BICRA: variants seen among roughly 807,000 people sequenced by gnomAD.
BICRA encodes the protein BRD4-interacting chromatin-remodeling complex-associated protein.
A neutral mutation model predicts 96.9 loss-of-function variants in BICRA; 31 were observed. That is an observed-to-expected ratio of 0.32 (90% CI 0.24 to 0.43). The LOEUF (loss-of-function observed/expected upper bound fraction) is 0.43. Among genes scored for constraint, BICRA ranks in the 20% least tolerant of loss-of-function variants. BICRA has a pLI of 1.00. For synonymous variants in BICRA, 1,350 were observed against 1,071.8 expected (o/e 1.26, Z -5.07); for missense variants, 2,283 against 2,190.3 (o/e 1.04, Z -0.84).
intron 1 of BICRA, among the ~76,000 whole-genome samples, chr19:47,666,362 C>T (rs893861174): frequency 6.6e-6 from 1 of 151,990 alleles, no homozygotes; most frequent in East Asian, 1.9e-4. Flanking sequence ...TCACTGCAGC[C>T]TCTGCCTCCT....
Position 47,675,506 on chromosome 19 carries a change from A to T in BICRA, c.85-345A>T, listed in dbSNP as rs572436058. Among the ~76,000 whole-genome samples, 44 of 152,148 alleles carry T rather than the reference A, an allele frequency of 2.9e-4. 1 individual carries two copies. The highest frequency in any genetic ancestry group is 7.9e-4 in the Admixed American group (12 of 15,282). On this transcript the variant is annotated intron_variant, in intron 4 of 14. Transcript: ENST00000594866. This position sits in a 1 kb window ranked among gnomAD's most constrained non-coding sequence, Gnocchi z 4.7. ...GACAGGAGCTGTTGGACCACGAGTG[A>T]CCACTCCTGAAGGCTGTGCTACTGG...
chr19:47,639,220 C>A (rs1187643632), intron 1 of BICRA, among the ~76,000 whole-genome samples: 1 of 151,272 alleles, frequency 6.6e-6, no homozygotes, highest in African/African-American at 2.4e-5. Flanking sequence ...GTTGCCCAGG[C>A]TGGCCTTGAA....
chr19:47,681,956 GT>G lies in BICRA; in HGVS notation c.2107-19del. The G allele has an allele frequency of 6.5e-7, 1 of 1,531,594 alleles. No individual in the cohort carries two copies. The highest frequency in any genetic ancestry group is 1.9e-5 in the Admixed American group (1 of 51,472). 94.9% of individuals were successfully genotyped at this position (1,531,594 alleles called of 1,614,324 possible). On this transcript the variant is annotated intron_variant, in intron 6 of 14. Transcript: ENST00000594866. ...CCTGTGGGGGCGGCTTTCTGATCCTGTGCGGGCTGCCCGTTGCAGGAGAGGA... is the reference window on the plus strand; with the variant it reads ...CCTGTGGGGGCGGCTTTCTGATCCTGGCGGGCTGCCCGTTGCAGGAGAGGA...
At position 47,680,454 on chromosome 19, in the gene BICRA, G is replaced by C; in HGVS notation, c.1284G>C (p.Pro428=). The change falls in exon 6 of 15, where the codon CCG becomes CCC. Residue 428 remains proline (P), a synonymous_variant. Coordinates refer to ENST00000594866, the MANE Select transcript of BICRA (RefSeq NM_001394372.1). ...AAGCGAACGTCTTCAAGCAGCCACC[G>C]GCCACCACCACCGGAGCGGCCCCGC... ...ALQANVFKQP[P]ATTTGAAPPQ... is the part of the protein sequence containing the mutation. 2 of 1,539,698 alleles carry C rather than the reference G, an allele frequency of 1.3e-6. No homozygotes were observed. The highest frequency in any genetic ancestry group is 1.2e-5 in the South Asian group (1 of 83,984).
intron 1 of BICRA, among the ~76,000 whole-genome samples, chr19:47,628,857 C>T (rs1283025458): frequency 6.6e-6 from 1 of 152,016 alleles, no homozygotes; most frequent in Non-Finnish European, 1.5e-5. Context: ...ATCCTCCTGC[C>T]TCGGCCTCCC....
chr19:47,668,761 G>A (rs1206842043), intron 1 of BICRA, among the ~76,000 whole-genome samples: 1 of 152,056 alleles, frequency 6.6e-6, no homozygotes, highest in Non-Finnish European at 1.5e-5. Context: ...CAAAGTGCCA[G>A]GATACAGGCA....
chr19:47,699,035 G>T lies in BICRA; in HGVS notation c.3468G>T (p.Arg1156=). The T allele has an allele frequency of 1.3e-6, 2 of 1,576,294 alleles. No homozygotes were observed. Among genetic ancestry groups the T allele is most frequent in the African/African-American group, 1.4e-5 (1 of 73,930 alleles). The part of the protein sequence containing the change: ...KRTQAMLNKY[R]LLLLEESRRV... ...CCCAGGCCATGCTCAATAAATATCG[G>T]CTCCTGCTCCTGGAGGAGTCCCGGG... Residue 1156 remains arginine (R), a synonymous_variant, in exon 13 of 15, where the codon CGG becomes CGT. Transcript: ENST00000594866. The surrounding 1 kb of genome is among the most constrained non-coding windows in gnomAD (Gnocchi z 5.0).
At chr19:47,667,793 C>A (rs1179818184) in intron 1 of BICRA, among the ~76,000 whole-genome samples, 1 of 152,228 alleles carries the variant, frequency 6.6e-6, no homozygotes, top group Non-Finnish European at 1.5e-5. Flanking sequence ...CAGAGACGCA[C>A]ACCCCCATCA....
Position 47,673,854 on chromosome 19 carries a change from T to C in BICRA, c.84+92T>C, listed in dbSNP as rs866590723. The C allele has an allele frequency of 1.4e-4, 155 of 1,110,522 alleles. 1 individual carries two copies. Among genetic ancestry groups the C allele is most frequent in the Non-Finnish European group, 4.0e-5 (29 of 722,972 alleles). The allele number at this position is 1,110,522 out of a possible 1,614,324, so 68.8% of individuals were successfully genotyped here. On this transcript the variant is annotated intron_variant, in intron 4 of 14. Coordinates refer to ENST00000594866, the MANE Select transcript of BICRA (RefSeq NM_001394372.1). ...GGAGAGACATGTCCCTTTGATGAGG[T>C]AGCCATCTGCCTTGTGGCTTCTAAC...
Position 47,701,434 on chromosome 19 carries a change from C to T in BICRA, c.3702C>T (p.Ala1234=), listed in dbSNP as rs1450210891. 1.3e-6 allele frequency: 2 copies of T among 1,577,646 alleles called. No individual in the cohort carries two copies. Among genetic ancestry groups the T allele is most frequent in the African/African-American group, 1.3e-5 (1 of 74,088 alleles). Residue 1234 remains alanine, a synonymous_variant, in exon 15 of 15, where the codon GCC becomes GCT. Coordinates refer to ENST00000594866, the MANE Select transcript of BICRA (RefSeq NM_001394372.1). This position sits in a 1 kb window ranked among gnomAD's most constrained non-coding sequence, Gnocchi z 5.4. ...CCCTGTCGTCTTCAGCTCCCGGGGC[C>T]TCCACCCAGCCCCCTCCACACCTGC... ...HGPLSSSAPG[A]STQPPPHLPT...
Position 47,681,062 on chromosome 19 carries a change from T to C in BICRA, c.1892T>C (p.Val631Ala). 2.9e-6 allele frequency: 4 copies of C among 1,371,220 alleles called. No homozygotes were observed. Among genetic ancestry groups the C allele is most frequent in the Non-Finnish European group, 2.8e-6 (3 of 1,064,116 alleles). 84.9% of individuals were successfully genotyped at this position (1,371,220 alleles called of 1,614,324 possible). ...CCTGCCCCCCAGGCGCCCCCCGCGG[T>C]CAGCACACCCCTGCCCCTGGGCCTC... ...VQPAPQAPPA[V>A]STPLPLGLQQ... is the part of the protein sequence containing the mutation. Residue 631 changes from valine (V) to alanine (A), a missense_variant, in exon 6 of 15, where the codon GTC (valine) becomes GCC (alanine). Coordinates refer to ENST00000594866, the MANE Select transcript of BICRA (RefSeq NM_001394372.1).
chr19:47,643,999 C>G (rs933227711), intron 1 of BICRA, among the ~76,000 whole-genome samples: 2 of 152,078 alleles, frequency 1.3e-5, no homozygotes, highest in African/African-American at 2.4e-5. Flanking sequence ...AGACCTTTAC[C>G]TACATTCACC....
chr19:47,700,267 G>A (rs988761327), intron 14 of BICRA: 1 of 152,138 alleles, frequency 6.6e-6, no homozygotes, highest in African/African-American at 2.4e-5. Flanking sequence ...ACACCCTCGG[G>A]GCCTGATATG....
chr19:47,681,240 C>T lies in BICRA; in HGVS notation c.2070C>T (p.Ile690=), dbSNP rs1427300931. Residue 690 remains isoleucine, a synonymous_variant, in exon 6 of 15, where the codon ATC becomes ATT. Coordinates refer to ENST00000594866, the MANE Select transcript of BICRA (RefSeq NM_001394372.1). ...GQPPSATPTA[I]LTQDSLQMFL... ...CGCCCTCTGCCACCCCCACGGCCATCCTCACTCAGGACTCCCTGCAGATGT... is the reference window on the plus strand; with the variant it reads ...CGCCCTCTGCCACCCCCACGGCCATTCTCACTCAGGACTCCCTGCAGATGT... 5.9e-6 allele frequency: 9 copies of T among 1,537,926 alleles called. No homozygotes were observed. The East Asian group carries it at 9.7e-5, about 17-fold the overall frequency.
chr19:47,693,307 C>T (rs1327881609), intron 7 of BICRA, among the ~76,000 whole-genome samples: 1 of 152,202 alleles, frequency 6.6e-6, no homozygotes, highest in East Asian at 1.9e-4. Flanking sequence ...AGAACTAGCA[C>T]CAGATCGCGT....
intron 1 of BICRA, among the ~76,000 whole-genome samples, chr19:47,651,165 A>T (rs1404946745): frequency 6.6e-6 from 1 of 152,072 alleles, no homozygotes; most frequent in Non-Finnish European, 1.5e-5. Context: ...GCCAGAAGGA[A>T]CCTGTGAACA....
In BICRA at chr19:47,641,070, A is replaced by ATT. The variant is rs71180861; in HGVS notation, c.-107-29351_-107-29350dup. 6.0e-3 allele frequency among the ~76,000 whole-genome samples: 632 copies of ATT among 104,512 alleles called. 11 individuals are homozygous for ATT. The highest frequency in any genetic ancestry group is 0.021 in the African/African-American group (541 of 25,664). The allele number at this position is 104,512 out of a possible 152,430, so 68.6% of individuals were successfully genotyped here. On this transcript the variant is annotated intron_variant, in intron 1 of 14. Transcript: ENST00000594866. ...CACCCACCACCACCATGCCTGGCTA[A>ATT]TTTTTTTTTTTTTTTTTTTTTTTGT...
In BICRA at chr19:47,695,348, A is replaced by ACCCCCCCCCCCCCC; in HGVS notation, c.3077-13_3077-12insCCCCCCCCCCCCCC. On this transcript the variant is annotated splice_polypyrimidine_tract_variant and intron_variant, in intron 9 of 14. Transcript: ENST00000594866. ...AGTGACCGCAGGCCCTGTCTCCCCC[A>ACCCCCCCCCCCCCC]CCCCACCCACCCCCAGGCCTCCCTC... The ACCCCCCCCCCCCCC allele has an allele frequency of 2.7e-6, 1 of 365,010 alleles. No homozygotes were observed. The highest frequency in any genetic ancestry group is 5.1e-6 in the Non-Finnish European group (1 of 197,048). 22.6% of individuals were successfully genotyped at this position (365,010 alleles called of 1,614,324 possible). A position where few individuals can be genotyped will look rare whatever the true frequency, so the allele number is the denominator to read the frequency against.
chr19:47,701,930 G>A lies in BICRA; in HGVS notation c.4198G>A (p.Ala1400Thr), dbSNP rs1599875601. The change falls in exon 15 of 15, where the codon GCG becomes ACG. Residue 1400 changes from alanine (A) to threonine (T), a missense_variant. Transcript: ENST00000594866. The surrounding 1 kb of genome is among the most constrained non-coding windows in gnomAD (Gnocchi z 5.4). ...CCGCGAGAACGTGGGGGGCCCTGGC[G>A]CGCCGGAGGGGACGCCCGCAGGCAG... ...TYRENVGGPGAPEGTPAGRAR... is the reference protein window; with the variant it reads ...TYRENVGGPGTPEGTPAGRAR... 2 of 1,431,414 alleles carry A rather than the reference G, an allele frequency of 1.4e-6. No individual in the cohort carries two copies. The highest frequency in any genetic ancestry group is 1.8e-6 in the Non-Finnish European group (2 of 1,102,174). 88.7% of individuals were successfully genotyped at this position (1,431,414 alleles called of 1,614,324 possible).
Sources: allele counts gnomAD v4.1 joint callset (sites outside exome capture counted in the v4.1 genomes callset), GRCh38; gene constraint gnomAD v4.1.1; non-coding constraint Gnocchi (gnomAD v3.1); transcripts MANE v1.5; gene names NCBI Gene and HGNC (gene_info 2026-07-23, HGNC 2026-07-21).